DLG2: variants seen among roughly 807,000 people sequenced by gnomAD.
DLG2 encodes disks large homolog 2.
DLG2 carries 45 observed loss-of-function variants against 132.5 expected under a neutral mutation model. That is an observed-to-expected ratio of 0.34 (90% CI 0.27 to 0.44). The LOEUF is 0.44. Ranked by LOEUF, DLG2 falls within the 20% of genes least tolerant of loss-of-function variation. The pLI, the probability that DLG2 is intolerant of heterozygous loss-of-function variation, is 1.00. For missense variants in DLG2, 1,045 were observed against 1,196.9 expected, an observed-to-expected ratio of 0.87 and a Z score of 1.87; for synonymous variants, 424 against 419.6, an observed-to-expected ratio of 1.01 and a Z score of -0.13.
chr11:84,642,063 C>T (rs551622490), intron 6 of DLG2, among the ~76,000 whole-genome samples: 16 of 124,128 alleles, frequency 1.3e-4, no homozygotes, highest in East Asian at 6.3e-4. Flanking sequence ...TATATACGCA[C>T]GCGTGTGTGT....
At chr11:83,567,217 C>T (rs2096724216) in intron 19 of DLG2, among the ~76,000 whole-genome samples, 1 of 152,168 alleles carries the variant, frequency 6.6e-6, no homozygotes, top group Admixed American at 6.6e-5. Flanking sequence ...TGAGTCATAT[C>T]TAAGCAGATC....
intron 3 of DLG2, among the ~76,000 whole-genome samples, chr11:85,583,056 AAATAT>A (rs1396331441): frequency 0.023 from 2,516 of 108,232 alleles, 86 homozygotes; most frequent in African/African-American, 0.095. Context: ...GGGAAAAAAA[AAATAT>A]ATATATATAT....
chr11:83,662,982 G>A (rs2074707616), intron 18 of DLG2, among the ~76,000 whole-genome samples: 1 of 152,290 alleles, frequency 6.6e-6, no homozygotes, highest in Non-Finnish European at 1.5e-5. Context: ...ACGGCTTCCT[G>A]AGGTTACCTG....
intron 3 of DLG2, among the ~76,000 whole-genome samples, chr11:85,448,768 T>C (rs931564816): frequency 6.6e-6 from 1 of 152,152 alleles, no homozygotes; most frequent in Non-Finnish European, 1.5e-5. Context: ...CTTTATTGCT[T>C]CCAAGGAAAC....
chr11:83,541,943 C>G, intron 19 of DLG2, 85 bp from the exon 20 acceptor site: 1 of 1,316,060 alleles, frequency 7.6e-7, no homozygotes, highest in Non-Finnish European at 1.0e-6. Context: ...TTTGCTCTTG[C>G]TCTGAGAACC....
chr11:84,788,730 A>G (rs1018899934), intron 6 of DLG2, among the ~76,000 whole-genome samples: 2 of 152,288 alleles, frequency 1.3e-5, no homozygotes, highest in East Asian at 1.9e-4. Context: ...GAAGATTGTC[A>G]TTATTTCGTC....
At chr11:84,812,452 A>G (rs930644232) in intron 6 of DLG2, among the ~76,000 whole-genome samples, 1 of 152,120 alleles carries the variant, frequency 6.6e-6, no homozygotes, top group Non-Finnish European at 1.5e-5. Context: ...AAAGCCTCAG[A>G]TTGCTTAGCC....
chr11:84,037,321 A>C (rs2095894110), intron 11 of DLG2, among the ~76,000 whole-genome samples: 1 of 152,138 alleles, frequency 6.6e-6, no homozygotes, highest in African/African-American at 2.4e-5. Flanking sequence ...ATTCATCAGA[A>C]AATCAAAGCA....
At chr11:85,364,058 T>C (rs569830308) in intron 3 of DLG2, among the ~76,000 whole-genome samples, 2 of 152,212 alleles carry the variant, frequency 1.3e-5, no homozygotes, top group East Asian at 3.9e-4. Context: ...AAGACCAATG[T>C]TCTACAGATG....
intron 6 of DLG2, among the ~76,000 whole-genome samples, chr11:84,962,181 G>A (rs764271473): frequency 3.3e-5 from 5 of 152,326 alleles, no homozygotes; most frequent in Middle Eastern, 3.4e-3. Context: ...TTTACAGATA[G>A]CATATTATTG....
chr11:83,552,264 TC>T (rs2096409498), intron 19 of DLG2, among the ~76,000 whole-genome samples: 1 of 152,096 alleles, frequency 6.6e-6, no homozygotes, highest in African/African-American at 2.4e-5. Context: ...GGCTGCATTT[TC>T]AAATGGGGTG....
At chr11:84,894,703 A>G (rs573618607) in intron 6 of DLG2, among the ~76,000 whole-genome samples, 133 of 152,292 alleles carry the variant, frequency 8.7e-4, no homozygotes, top group African/African-American at 3.2e-3. Flanking sequence ...GTTAGGTTCA[A>G]TGATACTCTA....
At chr11:83,702,225 T>G (rs966173244) in intron 18 of DLG2, among the ~76,000 whole-genome samples, 6 of 152,148 alleles carry the variant, frequency 3.9e-5, no homozygotes, top group Non-Finnish European at 8.8e-5. Flanking sequence ...ATTAACAGTG[T>G]CAGTACTGGT....
At chr11:85,570,858 A>T (rs1021024398) in intron 3 of DLG2, among the ~76,000 whole-genome samples, 2 of 152,044 alleles carry the variant, frequency 1.3e-5, no homozygotes, top group East Asian at 3.9e-4. Flanking sequence ...CAGTCGCTGA[A>T]TTTTTTTCTC....
chr11:83,873,772 A>G (rs907990333), intron 16 of DLG2, among the ~76,000 whole-genome samples: 15 of 152,258 alleles, frequency 9.9e-5, no homozygotes, highest in East Asian at 1.9e-4. Context: ...GCAAATATCC[A>G]TGTATGCTTC....
intron 18 of DLG2, among the ~76,000 whole-genome samples, chr11:83,769,991 A>G (rs2094318413): frequency 6.6e-6 from 1 of 152,152 alleles, no homozygotes; most frequent in African/African-American, 2.4e-5. Flanking sequence ...CCAAAAACCC[A>G]AGTTTATTTC....
intron 7 of DLG2, among the ~76,000 whole-genome samples, chr11:84,484,257 C>G (rs566792703): frequency 2.0e-5 from 3 of 152,192 alleles, no homozygotes; most frequent in African/African-American, 7.2e-5. Context: ...ATTGTAAAAG[C>G]TAGTGTAAGA....
intron 2 of DLG2, among the ~76,000 whole-genome samples, chr11:85,599,708 C>T (rs971105105): frequency 7.9e-5 from 12 of 152,210 alleles, no homozygotes; most frequent in African/African-American, 2.7e-4. Context: ...GCTCTCTCTT[C>T]CATAAAGCCA....
intron 6 of DLG2, among the ~76,000 whole-genome samples, chr11:84,711,029 T>TAGAG (rs140830890): frequency 3.8e-4 from 51 of 135,410 alleles, no homozygotes; most frequent in South Asian, 6.9e-4. Context: ...TATATATATA[T>TAGAG]ATAGAGCTGA....
Sources: allele counts gnomAD v4.1 joint callset (sites outside exome capture counted in the v4.1 genomes callset), GRCh38; gene constraint gnomAD v4.1.1; transcripts MANE v1.5; gene names NCBI Gene and HGNC (gene_info 2026-07-23, HGNC 2026-07-21).